Variants in NUDT7 observed in about 807,000 individuals in gnomAD.
The protein encoded by NUDT7 is nudix hydrolase 7.
In NUDT7, 19 loss-of-function variants were observed where a neutral mutation model predicts 13.1. The observed-to-expected ratio is 1.45, with a 90% CI of 1.01 to 2.13. The LOEUF (loss-of-function observed/expected upper bound fraction) is 2.13. NUDT7 is among the 30% of genes most tolerant of loss of function. The pLI, the probability that NUDT7 is intolerant of heterozygous loss-of-function variation, is 0.00. For missense variants in NUDT7, 360 were observed against 291.7 expected (o/e 1.23, Z -1.71); for synonymous variants, 132 against 109.7 (o/e 1.20, Z -1.27).
intron 2 of NUDT7, chr16:77,735,492 T>TA (rs2014449419): frequency 1.6e-6 from 1 of 628,022 alleles, no homozygotes; most frequent in Non-Finnish European, 2.8e-6. Context: ...ATGCTCCCTG[T>TA]ACGGCCTGCG....
chr16:77,724,119 G>T (rs905509332), intron 1 of NUDT7, among the ~76,000 whole-genome samples: 13 of 152,138 alleles, frequency 8.5e-5, no homozygotes, highest in African/African-American at 2.9e-4. Context: ...CCCTTAGAAG[G>T]CTCTGGGGGT....
chr16:77,734,271 T>C (rs1357671503), intron 2 of NUDT7, among the ~76,000 whole-genome samples: 2 of 152,128 alleles, frequency 1.3e-5, no homozygotes, highest in African/African-American at 4.8e-5. Flanking sequence ...CTTGGTCAGG[T>C]TATTTAACCT....
chr16:77,742,052 A>AT lies in NUDT7; in HGVS notation c.*108dup, dbSNP rs2014685367. On this transcript the variant is annotated 3_prime_UTR_variant, in exon 4 of 4. Coordinates refer to ENST00000268533, the MANE Select transcript of NUDT7 (RefSeq NM_001105663.3). The stretch of plus-strand genomic sequence containing the variant: ...CTGTTGGAATTTGACAGGTGTGAAT[A>AT]TTTTTTCTGCAGTATGTAGTTAGAA... 10 of 1,482,152 alleles carry AT rather than the reference A, an allele frequency of 6.7e-6. No individual in the cohort carries two copies. In the South Asian group the frequency reaches 1.1e-4, roughly 17 times the overall value. The allele number at this position is 1,482,152 out of a possible 1,614,324, so 91.8% of individuals were successfully genotyped here. A position where few individuals can be genotyped will look rare whatever the true frequency, so the allele number is the denominator to read the frequency against.
At chr16:77,726,174 T>G (rs933178811) in intron 2 of NUDT7, among the ~76,000 whole-genome samples, 2 of 152,194 alleles carry the variant, frequency 1.3e-5, no homozygotes, top group African/African-American at 4.8e-5. Flanking sequence ...GAATCCAGGC[T>G]CTCTCCTTGC....
chr16:77,723,530 TC>T (rs2014030895), intron 1 of NUDT7, among the ~76,000 whole-genome samples: 1 of 151,754 alleles, frequency 6.6e-6, no homozygotes, highest in Non-Finnish European at 1.5e-5. Context: ...CATTTAATCT[TC>T]TTAAATATCC....
At chr16:77,725,188 TTA>T (rs2014090360) in intron 1 of NUDT7, among the ~76,000 whole-genome samples, 1 of 152,242 alleles carries the variant, frequency 6.6e-6, no homozygotes, top group African/African-American at 2.4e-5. Flanking sequence ...TTACCATACT[TTA>T]TGTTTCAAAG....
intron 3 of NUDT7, among the ~76,000 whole-genome samples, chr16:77,736,936 A>G (rs2014505697): frequency 6.6e-6 from 1 of 152,202 alleles, no homozygotes; most frequent in Non-Finnish European, 1.5e-5. Flanking sequence ...CTGTAGGCTG[A>G]TGGAAAAGTC....
intron 2 of NUDT7, among the ~76,000 whole-genome samples, chr16:77,732,258 T>A (rs2914454): frequency 6.6e-6 from 1 of 151,838 alleles, no homozygotes; most frequent in African/African-American, 2.4e-5. Context: ...AACTCAGGAG[T>A]CAGAGGCTGC....
chr16:77,733,476 C>T (rs1597115798), intron 2 of NUDT7, among the ~76,000 whole-genome samples: 1 of 152,326 alleles, frequency 6.6e-6, no homozygotes, highest in South Asian at 2.1e-4. Context: ...GATCCCACCT[C>T]CTAATACCAT....
At chr16:77,729,302 A>G (rs1477990786) in intron 2 of NUDT7, among the ~76,000 whole-genome samples, 6 of 152,314 alleles carry the variant, frequency 3.9e-5, no homozygotes, top group East Asian at 1.9e-4. Flanking sequence ...ATCCTGTACA[A>G]TATGATGCTT....
intron 2 of NUDT7, chr16:77,735,526 T>C: frequency 1.8e-6 from 1 of 559,228 alleles, no homozygotes; most frequent in South Asian, 2.7e-5. Flanking sequence ...ACCAAACCTC[T>C]TTTCTTTATA....
At chr16:77,725,710 G>A in intron 2 of NUDT7, 126 bp downstream of exon 2, 1 of 763,424 alleles carries the variant, frequency 1.3e-6, no homozygotes, top group Non-Finnish European at 2.1e-6. Context: ...TGATGTCAGA[G>A]GCATACAACC....
rs201646279 is a variant in NUDT7, at chr16:77,741,720, G to A, written c.487G>A (p.Val163Ile). The change falls in exon 4 of 4, where the codon GTC becomes ATC. Residue 163 changes from valine to isoleucine, a missense_variant. Coordinates refer to ENST00000268533, the MANE Select transcript of NUDT7 (RefSeq NM_001105663.3). ...LHPQVHDQHY[V>I]TRLGHRFINH... is the part of the protein sequence containing the mutation. ...TCCACAGGTCCATGACCAGCATTAC[G>A]TCACACGTCTTGGTCACCGTTTTAT... 4.7e-4 allele frequency: 764 copies of A among 1,613,904 alleles called. 1 individual carries two copies. The highest frequency in any genetic ancestry group is 5.8e-4 in the Non-Finnish European group (683 of 1,180,010).
chr16:77,729,478 C>T (rs981001756), intron 2 of NUDT7, among the ~76,000 whole-genome samples: 1 of 152,010 alleles, frequency 6.6e-6, no homozygotes, highest in South Asian at 2.1e-4. Context: ...TCACCATATA[C>T]ATCATATAGT....
intron 3 of NUDT7, among the ~76,000 whole-genome samples, chr16:77,738,408 T>C (rs553065545): frequency 3.5e-4 from 54 of 152,306 alleles, no homozygotes; most frequent in African/African-American, 1.3e-3. Context: ...CTTTAAAAAG[T>C]CTGCTTTGTT....
intron 2 of NUDT7, among the ~76,000 whole-genome samples, chr16:77,727,863 G>C (rs376633178): frequency 7.7e-6 from 1 of 129,242 alleles, no homozygotes; most frequent in South Asian, 2.3e-4. Flanking sequence ...TCTCAATAAT[G>C]AATAAATAAA....
rs1168703746 is a variant in NUDT7 at position 77,741,750 on chromosome 16, C to T, written c.517C>T (p.His173Tyr). 2 of 1,613,942 alleles carry T rather than the reference C, an allele frequency of 1.2e-6. No individual in the cohort carries two copies. The highest frequency in any genetic ancestry group is 2.7e-5 in the African/African-American group (2 of 74,898). ...VTRLGHRFIN[H>Y]IFEYTNPEDG... ...ACGTCTTGGTCACCGTTTTATTAAT[C>T]ATATCTTTGAGTACACAAACCCTGA... Residue 173 changes from histidine to tyrosine, a missense_variant, in exon 4 of 4, where the codon CAT becomes TAT. By Grantham distance (83) the His-to-Tyr change is moderately conservative. Transcript: ENST00000268533.
At position 77,741,765 on chromosome 16, in the gene NUDT7, A is replaced by G. The variant is rs1205677466; in HGVS notation, c.532A>G (p.Thr178Ala). 1.2e-6 allele frequency: 2 copies of G among 1,614,028 alleles called. No individual in the cohort carries two copies. The highest frequency in any genetic ancestry group is 1.7e-5 in the Admixed American group (1 of 59,990). The stretch of plus-strand genomic sequence containing the variant: ...TTTTATTAATCATATCTTTGAGTAC[A>G]CAAACCCTGAAGACGGTGTCACTTA... Reference protein sequence around the residue: ...HRFINHIFEYTNPEDGVTYQI... With the variant: ...HRFINHIFEYANPEDGVTYQI... The change falls in exon 4 of 4, where the codon ACA becomes GCA. Residue 178 changes from threonine (T) to alanine (A), a missense_variant. By Grantham distance (58) the Thr-to-Ala change is moderately conservative. Transcript: ENST00000268533.
intron 3 of NUDT7, 168 bp from the exon 4 acceptor site, chr16:77,741,414 G>T (rs954357103): frequency 8.1e-6 from 5 of 620,538 alleles, no homozygotes; most frequent in African/African-American, 1.8e-5. Flanking sequence ...GGTAGAGCAG[G>T]ATGACTCCCA....
Sources: allele counts gnomAD v4.1 joint callset (sites outside exome capture counted in the v4.1 genomes callset), GRCh38; gene constraint gnomAD v4.1.1; transcripts MANE v1.5; gene names NCBI Gene and HGNC (gene_info 2026-07-23, HGNC 2026-07-21).